Variants in CDK19 observed in about 807,000 individuals in gnomAD.
CDK19 encodes cyclin-dependent kinase 19.
Under a neutral mutation model 68.3 loss-of-function variants are expected in CDK19, and 20 were observed. The observed-to-expected ratio is 0.29, with a 90% CI of 0.21 to 0.43. The LOEUF (loss-of-function observed/expected upper bound fraction) is 0.43, where lower values mean the gene tolerates loss of function less well. Ranked by LOEUF, CDK19 falls within the 20% of genes least tolerant of loss-of-function variation. The probability of loss-of-function intolerance (pLI) is 1.00; values close to 1 mark genes in which losing one functional copy is unlikely to be tolerated. For synonymous variants in CDK19, 221 were observed against 222.8 expected (o/e 0.99, Z 0.07); for missense variants, 339 against 623.5 (o/e 0.54, Z 4.86).
At chr6:110,715,266 G>C (rs1022964675) in intron 2 of CDK19, among the ~76,000 whole-genome samples, 2 of 152,128 alleles carry the variant, frequency 1.3e-5, no homozygotes, top group African/African-American at 4.8e-5. Flanking sequence ...ATACCTAAAA[G>C]TAGCTTAATC....
chr6:110,750,812 G>C (rs909897549), intron 1 of CDK19, among the ~76,000 whole-genome samples: 1 of 152,080 alleles, frequency 6.6e-6, no homozygotes, highest in Non-Finnish European at 1.5e-5. Context: ...GAGGGAGGAA[G>C]GGAAGGAAAC....
intron 1 of CDK19, among the ~76,000 whole-genome samples, chr6:110,746,727 T>C (rs1459067611): frequency 2.0e-5 from 3 of 152,142 alleles, no homozygotes; most frequent in East Asian, 3.8e-4. Context: ...TCAAAAGCCT[T>C]TTAAAGATTT....
intron 1 of CDK19, among the ~76,000 whole-genome samples, chr6:110,754,656 A>G (rs1778711310): frequency 6.6e-6 from 1 of 151,540 alleles, no homozygotes; most frequent in Non-Finnish European, 1.5e-5. Context: ...ATTTTTTTGC[A>G]TTTTTAGTAG....
rs1162063879 is a variant in CDK19 at position 110,758,054 on chromosome 6, T to C, written c.129-11853A>G. Reference sequence around the variant, plus strand: ...AAAAAATTTAAAAATTGGCTGTGCATGGTGGTGCTCACCTGTGGTCCCAGC... The same window carrying C: ...AAAAAATTTAAAAATTGGCTGTGCACGGTGGTGCTCACCTGTGGTCCCAGC... On this transcript the variant is annotated intron_variant, in intron 1 of 12. Coordinates refer to ENST00000368911, the MANE Select transcript of CDK19 (RefSeq NM_015076.5). 3.9e-5 allele frequency among the ~76,000 whole-genome samples: 6 copies of C among 152,092 alleles called. No individual in the cohort carries two copies. In the East Asian group the frequency reaches 1.2e-3, roughly 29 times the overall value.
At chr6:110,759,671 T>A (rs1779101159) in intron 1 of CDK19, among the ~76,000 whole-genome samples, 1 of 151,762 alleles carries the variant, frequency 6.6e-6, no homozygotes, top group African/African-American at 2.4e-5. Context: ...GAGATAATTT[T>A]ATTTCCTTCT....
chr6:110,797,608 T>G (rs1211802744), intron 1 of CDK19, among the ~76,000 whole-genome samples: 1 of 152,226 alleles, frequency 6.6e-6, no homozygotes, highest in Admixed American at 6.5e-5. Flanking sequence ...AAAGACATTC[T>G]TCCCACTTCT....
At chr6:110,815,821 T>C (rs1313999368), upstream of CDK19, 2 of 152,472 alleles carry the variant, frequency 1.3e-5, no homozygotes, top group African/African-American at 4.8e-5. Context: ...GCTGAAGGGT[T>C]GGCTGCAGTG....
At position 110,670,605 on chromosome 6, in the gene CDK19, C is replaced by T. The variant is rs1027975385; in HGVS notation, c.205-64G>A. ...GCAAGGAGGGGGAAATGATGAATGT[C>T]TTATAACTTCAAAACGAAATTTCTG... On this transcript the variant is annotated intron_variant, in intron 2 of 12. Coordinates refer to ENST00000368911, the MANE Select transcript of CDK19 (RefSeq NM_015076.5). The T allele has an allele frequency of 1.5e-5, 14 of 959,080 alleles. No homozygotes were observed. The African/African-American group carries it at 1.8e-4, about 12-fold the overall frequency. The allele number at this position is 959,080 out of a possible 1,614,324, so 59.4% of individuals were successfully genotyped here.
At chr6:110,701,886 T>C (rs1582898182) in intron 2 of CDK19, among the ~76,000 whole-genome samples, 1 of 152,180 alleles carries the variant, frequency 6.6e-6, no homozygotes, top group East Asian at 1.9e-4. Context: ...CTCACGCCTG[T>C]AATCCCAGCA....
intron 1 of CDK19, among the ~76,000 whole-genome samples, chr6:110,812,358 G>A (rs1330639095): frequency 2.0e-5 from 3 of 152,070 alleles, no homozygotes; most frequent in Non-Finnish European, 4.4e-5. Flanking sequence ...TCCTGACCTC[G>A]TGATCCACCC....
chr6:110,660,038 T>C (rs1781521911), intron 4 of CDK19, among the ~76,000 whole-genome samples: 2 of 152,222 alleles, frequency 1.3e-5, no homozygotes, highest in East Asian at 1.9e-4. Context: ...GTCTATGTTA[T>C]GCAAATTGGA....
chr6:110,692,986 G>A (rs538948519), intron 2 of CDK19, among the ~76,000 whole-genome samples: 1 of 151,824 alleles, frequency 6.6e-6, no homozygotes, highest in Non-Finnish European at 1.5e-5. Flanking sequence ...AACAAAGCAA[G>A]ACTCCATCTC....
In CDK19 at chr6:110,632,056, C is replaced by G; in HGVS notation, c.620G>C (p.Gly207Ala). The G allele has an allele frequency of 6.2e-7, 1 of 1,612,824 alleles. No individual in the cohort carries two copies. The highest frequency in any genetic ancestry group is 8.5e-7 in the Non-Finnish European group (1 of 1,178,938). ...AATGGCCTTTGTATAATGCCTTGCA[C>G]CAAGCAAAAGTTCTGGAGCCCGATA... Reference protein sequence around the residue: ...FWYRAPELLLGARHYTKAIDI... With the variant: ...FWYRAPELLLAARHYTKAIDI... Residue 207 changes from glycine to alanine, a missense_variant, in exon 6 of 13, where the codon GGT (glycine) becomes GCT (alanine). By Grantham distance (60) the Gly-to-Ala change is moderately conservative. Transcript: ENST00000368911.
chr6:110,638,442 T>C (rs188745526), intron 5 of CDK19, among the ~76,000 whole-genome samples: 24 of 152,320 alleles, frequency 1.6e-4, no homozygotes, highest in Admixed American at 1.6e-3. Flanking sequence ...TTTCCAGTGA[T>C]GCCTCAACTT....
chr6:110,650,858 A>G (rs912984693), intron 4 of CDK19, among the ~76,000 whole-genome samples: 10 of 152,202 alleles, frequency 6.6e-5, no homozygotes, highest in African/African-American at 2.4e-4. Flanking sequence ...CATCCAAGTC[A>G]TTTTAGTACC....
chr6:110,739,793 G>A (rs1048504353), intron 2 of CDK19, among the ~76,000 whole-genome samples: 11 of 143,220 alleles, frequency 7.7e-5, no homozygotes, highest in Non-Finnish European at 4.6e-5. Context: ...ACTATGCCCA[G>A]CTAATTATTA....
At chr6:110,753,672 C>T (rs79765743) in intron 1 of CDK19, among the ~76,000 whole-genome samples, 5,268 of 152,034 alleles carry the variant, frequency 0.035, 124 homozygotes, top group Middle Eastern at 0.078. Flanking sequence ...AGGGGTGAAC[C>T]ACAATGCTTG....
chr6:110,634,468 T>C (rs1222467919), intron 5 of CDK19, among the ~76,000 whole-genome samples: 2 of 152,218 alleles, frequency 1.3e-5, no homozygotes, highest in African/African-American at 4.8e-5. Flanking sequence ...TCTGCCTGCC[T>C]CAGCCTCCCA....
At chr6:110,763,507 C>T (rs1323360202) in intron 1 of CDK19, among the ~76,000 whole-genome samples, 3 of 151,470 alleles carry the variant, frequency 2.0e-5, no homozygotes, top group Non-Finnish European at 2.9e-5. Flanking sequence ...CCTCCGCCTC[C>T]CAGGTTCAAG....
Sources: allele counts gnomAD v4.1 joint callset (sites outside exome capture counted in the v4.1 genomes callset), GRCh38; gene constraint gnomAD v4.1.1; transcripts MANE v1.5; gene names NCBI Gene and HGNC (gene_info 2026-07-23, HGNC 2026-07-21).